ITPR2: variants seen among roughly 807,000 people sequenced by gnomAD.
ITPR2 encodes the protein inositol 1,4,5-trisphosphate receptor type 2, also known as inositol 1,4,5-trisphosphate-gated calcium channel ITPR2.
Under a neutral mutation model 317.1 loss-of-function variants are expected in ITPR2, and 207 were observed. The observed-to-expected ratio is 0.65, with a 90% CI of 0.58 to 0.73. The LOEUF is 0.73. ITPR2 is among the 30% of genes least tolerant of loss of function. ITPR2 has a pLI of 0.00. For missense variants in ITPR2, 2,613 were observed against 3,284.0 expected, an observed-to-expected ratio of 0.80 and a Z score of 4.99; for synonymous variants, 1,156 against 1,149.1, an observed-to-expected ratio of 1.01 and a Z score of -0.12.
intron 23 of ITPR2, 95 bp downstream of exon 23, chr12:26,627,938 C>G: frequency 8.4e-7 from 1 of 1,193,142 alleles, no homozygotes; most frequent in Non-Finnish European, 1.2e-6. Context: ...ATTTAAAAAG[C>G]ACAAAAAATA....
chr12:26,352,605 G>C (rs1401726180), intron 55 of ITPR2, among the ~76,000 whole-genome samples: 2 of 152,318 alleles, frequency 1.3e-5, no homozygotes, highest in East Asian at 3.9e-4. Flanking sequence ...ACAGGGAGGT[G>C]ATACCACAGT....
At position 26,419,111 on chromosome 12, in the gene ITPR2, C is replaced by T. The variant is rs1592006242; in HGVS notation, c.7048G>A (p.Val2350Met). Residue 2350 changes from valine to methionine, a missense_variant, in exon 50 of 57, where the codon GTG (valine) becomes ATG (methionine). This residue lies in a region of ITPR2 where 78 missense variants were observed against 110.3 expected (regional missense o/e 0.71). Coordinates refer to ENST00000381340, the MANE Select transcript of ITPR2 (RefSeq NM_002223.4). The stretch of plus-strand genomic sequence containing the variant: ...AGCATGCAAACCAGGACATACGCCA[C>T]GTGATAGAGAAAGGCCATATCCAGG... ...VILDMAFLYH[V>M]AYVLVCMLGL... is the part of the protein sequence containing the mutation. 3.7e-6 allele frequency: 6 copies of T among 1,613,806 alleles called. No individual in the cohort carries two copies. Among genetic ancestry groups the T allele is most frequent in the East Asian group, 4.5e-5 (2 of 44,872 alleles).
intron 45 of ITPR2, among the ~76,000 whole-genome samples, chr12:26,470,887 T>C (rs1472827787): frequency 6.6e-6 from 1 of 152,188 alleles, no homozygotes; most frequent in African/African-American, 2.4e-5. Context: ...ATTTATAATA[T>C]CAAGTACATT....
rs145399796 is a variant in ITPR2, at chr12:26,708,324, T to C, written c.951+2849A>G. Among the ~76,000 whole-genome samples the C allele has an allele frequency of 1.1e-4, 17 of 152,284 alleles. No individual in the cohort carries two copies. The East Asian group carries it at 2.9e-3, about 26-fold the overall frequency. ...ATGTTTATTACAGCACTACACACAA[T>C]AGCCAAGATTTGGAATCAACCTAAG... is the stretch of plus-strand genomic sequence containing the variant. On this transcript the variant is annotated intron_variant, in intron 9 of 56. Coordinates refer to ENST00000381340, the MANE Select transcript of ITPR2 (RefSeq NM_002223.4).
intron 48 of ITPR2, among the ~76,000 whole-genome samples, chr12:26,432,424 G>A (rs1166410310): frequency 6.6e-6 from 1 of 152,148 alleles, no homozygotes; most frequent in African/African-American, 2.4e-5. Context: ...GGCATGTGAT[G>A]TTGCTGGGTC....
At chr12:26,781,510 G>A (rs568996545) in intron 2 of ITPR2, among the ~76,000 whole-genome samples, 8 of 152,162 alleles carry the variant, frequency 5.3e-5, no homozygotes, top group East Asian at 1.9e-4. Context: ...GTACATTTCC[G>A]GTTGTACAAA....
rs1291273263 is a variant in ITPR2 at position 26,481,128 on chromosome 12, T to C, written c.6123+3A>G. The stretch of plus-strand genomic sequence containing the variant: ...TCTGGCCTGAACAGTGGAATCGCTC[T>C]ACCTTTAGCTGGAGCACCAGGTCCA... On this transcript the variant is annotated splice_donor_region_variant and intron_variant, in intron 43 of 56. Coordinates refer to ENST00000381340, the MANE Select transcript of ITPR2 (RefSeq NM_002223.4). The C allele has an allele frequency of 6.4e-7, 1 of 1,573,716 alleles. No individual in the cohort carries two copies. The highest frequency in any genetic ancestry group is 8.7e-7 in the Non-Finnish European group (1 of 1,143,452).
At chr12:26,528,109 C>T (rs908737565) in intron 37 of ITPR2, among the ~76,000 whole-genome samples, 6 of 152,122 alleles carry the variant, frequency 3.9e-5, no homozygotes, top group Non-Finnish European at 1.5e-5. Flanking sequence ...CTGGGTTTGC[C>T]GTTAGGTTGG....
At chr12:26,400,495 A>T (rs1339791188) in intron 52 of ITPR2, among the ~76,000 whole-genome samples, 2 of 152,162 alleles carry the variant, frequency 1.3e-5, no homozygotes, top group Non-Finnish European at 2.9e-5. Flanking sequence ...CTTACGTTTT[A>T]AAAAAATACC....
intron 26 of ITPR2, among the ~76,000 whole-genome samples, chr12:26,604,098 G>GTGCT (rs1463217010): frequency 6.6e-6 from 1 of 152,142 alleles, no homozygotes; most frequent in East Asian, 1.9e-4. Context: ...TTCTCCTACT[G>GTGCT]TGCTCCAGGA....
chr12:26,665,377 A>G (rs1326838122), intron 14 of ITPR2, among the ~76,000 whole-genome samples: 7 of 152,218 alleles, frequency 4.6e-5, no homozygotes. Flanking sequence ...CTGTCTCTAC[A>G]ATGGTCTCTG....
At chr12:26,591,668 A>T (rs1162842937) in intron 32 of ITPR2, among the ~76,000 whole-genome samples, 1 of 141,290 alleles carries the variant, frequency 7.1e-6, no homozygotes, top group African/African-American at 2.5e-5. Context: ...CATCTCTACT[A>T]AAAAAAAAAA....
At chr12:26,769,881 C>T (rs569108930) in intron 2 of ITPR2, among the ~76,000 whole-genome samples, 1 of 152,202 alleles carries the variant, frequency 6.6e-6, no homozygotes, top group Admixed American at 6.5e-5. Flanking sequence ...ACAAACAGTC[C>T]ATGTTTCTTA....
At chr12:26,346,094 T>A (rs913172522) in intron 55 of ITPR2, among the ~76,000 whole-genome samples, 1 of 152,216 alleles carries the variant, frequency 6.6e-6, no homozygotes, top group Non-Finnish European at 1.5e-5. Flanking sequence ...ATGGTCCTAG[T>A]AAGTGGGTGA....
chr12:26,700,787 C>A (rs373478578), intron 9 of ITPR2, among the ~76,000 whole-genome samples: 1 of 151,806 alleles, frequency 6.6e-6, no homozygotes, highest in Non-Finnish European at 1.5e-5. Context: ...GTGGGTGGAC[C>A]CAAATGAAGA....
chr12:26,372,265 G>A (rs1034529744), intron 55 of ITPR2, among the ~76,000 whole-genome samples: 1 of 152,064 alleles, frequency 6.6e-6, no homozygotes, highest in East Asian at 1.9e-4. Flanking sequence ...TCTCCTGCAG[G>A]ATCTTATCCA....
At chr12:26,702,001 C>A (rs1052230986) in intron 9 of ITPR2, among the ~76,000 whole-genome samples, 4 of 152,168 alleles carry the variant, frequency 2.6e-5, no homozygotes, top group Non-Finnish European at 5.9e-5. Context: ...ACTGTGAAGG[C>A]TGATTTATAA....
intron 37 of ITPR2, among the ~76,000 whole-genome samples, chr12:26,519,814 C>CAT (rs1477151914): frequency 3.2e-4 from 49 of 152,138 alleles, no homozygotes; most frequent in African/African-American, 1.2e-3. Context: ...AGGTTTAAAA[C>CAT]ATAAAGAGGT....
chr12:26,674,242 A>G lies in ITPR2; in HGVS notation c.1409+7632T>C, dbSNP rs1331996970. Among the ~76,000 whole-genome samples the G allele has an allele frequency of 5.3e-5, 8 of 152,038 alleles. No homozygotes were observed. The East Asian group carries it at 1.5e-3, about 29-fold the overall frequency. The stretch of plus-strand genomic sequence containing the variant: ...AAAAAGAGCCTGCATCGCCAAGTCA[A>G]TCCTAAGCCAAAAGAACAAAGCTGG... On this transcript the variant is annotated intron_variant, in intron 13 of 56. Transcript: ENST00000381340.
Sources: allele counts gnomAD v4.1 joint callset (sites outside exome capture counted in the v4.1 genomes callset), GRCh38; gene constraint gnomAD v4.1.1; regional missense constraint gnomAD v4.1.1; transcripts MANE v1.5; gene names NCBI Gene and HGNC (gene_info 2026-07-23, HGNC 2026-07-21).